Variants in PTPRN observed in about 807,000 individuals in gnomAD.
PTPRN encodes receptor-type tyrosine-protein phosphatase-like N.
Under a neutral mutation model 108.5 loss-of-function variants are expected in PTPRN, and 70 were observed. The ratio of observed to expected loss-of-function variants is 0.65; its 90% CI spans 0.53 to 0.79. PTPRN has a LOEUF of 0.79. PTPRN is among the 30% of genes least tolerant of loss of function. The probability of loss-of-function intolerance (pLI) is 0.00; values close to 1 mark genes in which losing one functional copy is unlikely to be tolerated. For missense variants in PTPRN, 1,136 were observed against 1,295.5 expected (o/e 0.88, Z 1.89); for synonymous variants, 496 against 524.6 (o/e 0.95, Z 0.75).
Position 219,296,955 on chromosome 2 carries a change from G to A in PTPRN, c.2236+30C>T, listed in dbSNP as rs1328625839. The A allele has an allele frequency of 1.2e-6, 2 of 1,613,308 alleles. No individual in the cohort carries two copies. Among genetic ancestry groups the A allele is most frequent in the East Asian group, 2.2e-5 (1 of 44,864 alleles). ...CAGACCTCGCAGCAGAGAGAGGGCTGGGCCAGGTGGGCCAGCAGGGTTCAC... is the reference window on the plus strand; with the variant it reads ...CAGACCTCGCAGCAGAGAGAGGGCTAGGCCAGGTGGGCCAGCAGGGTTCAC... On this transcript the variant is annotated intron_variant, in intron 15 of 22. Coordinates refer to ENST00000295718, the MANE Select transcript of PTPRN (RefSeq NM_002846.4). The surrounding 1 kb of genome is among the most constrained non-coding windows in gnomAD (Gnocchi z 6.0).
At chr2:219,307,634 C>T (rs752650697) in intron 2 of PTPRN, 77 bp from the exon 3 acceptor site, 66 of 1,464,066 alleles carry the variant, frequency 4.5e-5, no homozygotes, top group Non-Finnish European at 6.7e-6. Flanking sequence ...ATGGACTGTA[C>T]TCTCTTCACT....
At position 219,299,062 on chromosome 2, in the gene PTPRN, C is replaced by T. The variant is rs1344224742; in HGVS notation, c.1653G>A (p.Gln551=). The T allele has an allele frequency of 6.2e-7, 1 of 1,614,154 alleles. No individual in the cohort carries two copies. Among genetic ancestry groups the T allele is most frequent in the Non-Finnish European group, 8.5e-7 (1 of 1,180,060 alleles). The change falls in exon 12 of 23, where the codon CAG becomes CAA. Residue 551 remains glutamine (Q), a synonymous_variant. Coordinates refer to ENST00000295718, the MANE Select transcript of PTPRN (RefSeq NM_002846.4). ...TAGCGCATACCTGTCCCACTCCTGT[C>T]TGCAAGATTTGGAGCCCTGTCTGTG... ...LEAQTGLQIL[Q]TGVGQREEAA... is the part of the protein sequence containing the mutation.
At chr2:219,302,989 C>T (rs1178817526) in intron 4 of PTPRN, 152 bp from the exon 5 acceptor site, 4 of 425,202 alleles carry the variant, frequency 9.4e-6, no homozygotes, top group Non-Finnish European at 1.6e-5. Flanking sequence ...GAGAGATGGG[C>T]TGGGTGGGAA....
Position 219,296,090 on chromosome 2 carries a change from A to G in PTPRN, c.2508+136T>C. The G allele has an allele frequency of 3.2e-6, 4 of 1,240,236 alleles. No homozygotes were observed. The highest frequency in any genetic ancestry group is 1.4e-5 in the South Asian group (1 of 71,812). The allele number at this position is 1,240,236 out of a possible 1,614,324, so 76.8% of individuals were successfully genotyped here. A position where few individuals can be genotyped will look rare whatever the true frequency, so the allele number is the denominator to read the frequency against. ...TGTGTTTATATATATTCATATATGT[A>G]TGAATCATGAGCAGGGCCAATAAAA... On this transcript the variant is annotated intron_variant, in intron 18 of 22. Coordinates refer to ENST00000295718, the MANE Select transcript of PTPRN (RefSeq NM_002846.4). This position sits in a 1 kb window ranked among gnomAD's most constrained non-coding sequence, Gnocchi z 6.0.
At position 219,289,992 on chromosome 2, in the gene PTPRN, C is replaced by T; in HGVS notation, c.*234G>A. On this transcript the variant is annotated 3_prime_UTR_variant, in exon 23 of 23. Coordinates refer to ENST00000295718, the MANE Select transcript of PTPRN (RefSeq NM_002846.4). ...AGAATTGCTACCCATGTCCTTTCCT[C>T]TCCTCCTGGCTGCAGCACCCCCATG... 1.8e-6 allele frequency: 1 copy of T among 562,810 alleles called. No individual in the cohort carries two copies. The highest frequency in any genetic ancestry group is 2.1e-5 in the South Asian group (1 of 47,476). 34.9% of individuals were successfully genotyped at this position (562,810 alleles called of 1,614,324 possible).
chr2:219,302,361 G>C lies in PTPRN; in HGVS notation c.770C>G (p.Pro257Arg). ...TGGAAGGTCCCCGTAGGAGTGGCCAGGGTGGTCCCCAAATATGCCCTTGGA... is the reference window on the plus strand; with the variant it reads ...TGGAAGGTCCCCGTAGGAGTGGCCACGGTGGTCCCCAAATATGCCCTTGGA... ...TASKGIFGDH[P>R]GHSYGDLPGP... Residue 257 changes from proline to arginine, a missense_variant, in exon 6 of 23, where the codon CCT becomes CGT. Pro to Arg is a moderately radical substitution (Grantham distance 103). Coordinates refer to ENST00000295718, the MANE Select transcript of PTPRN (RefSeq NM_002846.4). The C allele has an allele frequency of 1.2e-6, 2 of 1,613,806 alleles. No homozygotes were observed. The highest frequency in any genetic ancestry group is 1.7e-6 in the Non-Finnish European group (2 of 1,179,824).
intron 8 of PTPRN, 88 bp from the exon 9 acceptor site, chr2:219,300,347 G>T: frequency 7.1e-7 from 1 of 1,398,666 alleles, no homozygotes. Flanking sequence ...GTGGAGCTCA[G>T]GACCTGCTTT....
chr2:219,300,975 C>T lies in PTPRN; in HGVS notation c.1129G>A (p.Gly377Arg), dbSNP rs1358540497. 2 of 1,614,056 alleles carry T rather than the reference C, an allele frequency of 1.2e-6. No individual in the cohort carries two copies. Among genetic ancestry groups the T allele is most frequent in the African/African-American group, 1.3e-5 (1 of 74,920 alleles). The part of the protein sequence containing the change: ...LPKGAGRNPG[G>R]VVNVGADIKK... ...ATATCAGCTCCAACATTTACAACCC[C>T]TCCTGCGAGACAGGAAAAACAAGAG... is the stretch of plus-strand genomic sequence containing the variant. The change falls in exon 8 of 23, where the codon GGG becomes AGG. Residue 377 changes from glycine (G) to arginine (R), a missense_variant and splice_region_variant. Gly to Arg is a moderately radical substitution (Grantham distance 125). Coordinates refer to ENST00000295718, the MANE Select transcript of PTPRN (RefSeq NM_002846.4).
At chr2:219,299,481 C>T in intron 10 of PTPRN, 97 bp from the exon 11 acceptor site, 2 of 1,408,404 alleles carry the variant, frequency 1.4e-6, no homozygotes, top group South Asian at 1.2e-5. Flanking sequence ...GAGGATGGGG[C>T]TGGAGCAGAT....
chr2:219,294,257 C>A, intron 19 of PTPRN: 1 of 441,578 alleles, frequency 2.3e-6, no homozygotes, highest in Admixed American at 2.4e-5. Flanking sequence ...GAAAGACAGG[C>A]AGCGGGAGGG....
Position 219,308,959 on chromosome 2 carries a change from C to G in PTPRN, c.115+259G>C, listed in dbSNP as rs771694761. The G allele has an allele frequency of 6.1e-6, 9 of 1,478,480 alleles. No homozygotes were observed. In the South Asian group the frequency reaches 1.1e-4, roughly 18 times the overall value. The allele number at this position is 1,478,480 out of a possible 1,614,324, so 91.6% of individuals were successfully genotyped here. ...CTAAGTCCCTCTGCCCACATGCACCCCGTGTCCTTCTCCCGAACCTGCAAT... is the reference window on the plus strand; with the variant it reads ...CTAAGTCCCTCTGCCCACATGCACCGCGTGTCCTTCTCCCGAACCTGCAAT... On this transcript the variant is annotated intron_variant, in intron 1 of 22. Coordinates refer to ENST00000295718, the MANE Select transcript of PTPRN (RefSeq NM_002846.4).
intron 1 of PTPRN, 180 bp downstream of exon 1, chr2:219,309,038 T>G: frequency 1.6e-6 from 2 of 1,258,002 alleles, no homozygotes; most frequent in Non-Finnish European, 1.0e-6. Context: ...CAGCCCCACC[T>G]CCAGGCCTAC....
chr2:219,307,315 C>A, intron 3 of PTPRN, 129 bp downstream of exon 3: 1 of 760,086 alleles, frequency 1.3e-6, no homozygotes, highest in South Asian at 1.8e-5. Context: ...ACCTCTTACT[C>A]TAGCAAGATA....
chr2:219,302,324 A>G lies in PTPRN; in HGVS notation c.807T>C (p.Pro269=). The G allele has an allele frequency of 6.2e-7, 1 of 1,613,924 alleles. No homozygotes were observed. Among genetic ancestry groups the G allele is most frequent in the Non-Finnish European group, 8.5e-7 (1 of 1,179,858 alleles). ...GCCCAGAGTCTTGAAAAAGCTGGGC[A>G]GGTGAAGGCCCTGGAAGGTCCCCGT... ...HSYGDLPGPS[P]AQLFQDSGLL... is the part of the protein sequence containing the mutation. Residue 269 remains proline (P), a synonymous_variant, in exon 6 of 23, where the codon CCT becomes CCC. Coordinates refer to ENST00000295718, the MANE Select transcript of PTPRN (RefSeq NM_002846.4).
chr2:219,305,398 A>G, intron 3 of PTPRN, among the ~76,000 whole-genome samples: 1 of 152,092 alleles, frequency 6.6e-6, no homozygotes, highest in Non-Finnish European at 1.5e-5. Flanking sequence ...GCTCGCCACC[A>G]TGCCTGGCTA....
Position 219,296,481 on chromosome 2 carries a change from G to A in PTPRN, c.2346C>T (p.Ala782=). The A allele has an allele frequency of 6.2e-7, 1 of 1,614,178 alleles. No homozygotes were observed. The highest frequency in any genetic ancestry group is 8.5e-7 in the Non-Finnish European group (1 of 1,180,026). ...TGGTATGGGACAGCGGGCCCTGCGT[G>A]GCTATGTAGGCTGGCATCCGAGGGT... is the stretch of plus-strand genomic sequence containing the variant. ...EHDPRMPAYI[A]TQGPLSHTIA... is the part of the protein sequence containing the mutation. The change falls in exon 17 of 23, where the codon GCC becomes GCT. Residue 782 remains alanine, a synonymous_variant. Transcript: ENST00000295718. This position sits in a 1 kb window ranked among gnomAD's most constrained non-coding sequence, Gnocchi z 6.0.
chr2:219,296,803 T>G lies in PTPRN; in HGVS notation c.2256A>C (p.Lys752Asn). ...DFLPYDHARI[K>N]LKVESSPSRS... is the part of the protein sequence containing the mutation. ...GAGAAGGGCTGCTCTCCACCTTCAG[T>G]TTTATGCGGGCATGGTCATCTGCAC... Residue 752 changes from lysine (K) to asparagine (N), a missense_variant, in exon 16 of 23, where the codon AAA becomes AAC. Transcript: ENST00000295718. This position sits in a 1 kb window ranked among gnomAD's most constrained non-coding sequence, Gnocchi z 6.0. 1.9e-6 allele frequency: 3 copies of G among 1,613,554 alleles called. No individual in the cohort carries two copies. In the South Asian group the frequency reaches 3.3e-5, roughly 18 times the overall value.
rs1320526688 is a variant in PTPRN, at chr2:219,295,067, G to A, written c.2583C>T (p.Thr861=). Residue 861 remains threonine, a synonymous_variant, in exon 19 of 23, where the codon ACC becomes ACT. Coordinates refer to ENST00000295718, the MANE Select transcript of PTPRN (RefSeq NM_002846.4). ...ACTGCGTGAGCGTGCGCGTCTCCTG[G>A]GTCTGCACGTTCTTCAGGTAGAAGC... ...VRSFYLKNVQ[T]QETRTLTQFH... is the part of the protein sequence containing the mutation. 1.2e-5 allele frequency: 19 copies of A among 1,613,496 alleles called. No homozygotes were observed. Among genetic ancestry groups the A allele is most frequent in the Non-Finnish European group, 1.6e-5 (19 of 1,179,696 alleles).
rs747388162 is a variant in PTPRN at position 219,294,961 on chromosome 2, G to A, written c.2675+14C>T. The A allele has an allele frequency of 3.4e-5, 53 of 1,540,868 alleles. 1 individual carries two copies. In the Admixed American group the frequency reaches 1.0e-3, roughly 30 times the overall value. Reference sequence around the variant, plus strand: ...GCCCATGCGGTCCCTCCAGGCGGGGGCGCCCGCGCTCACCTGCGGAAGTCC... The same window carrying A: ...GCCCATGCGGTCCCTCCAGGCGGGGACGCCCGCGCTCACCTGCGGAAGTCC... On this transcript the variant is annotated intron_variant, in intron 19 of 22. Transcript: ENST00000295718.
Sources: gnomAD v4.1 joint callset for allele counts (sites outside exome capture counted in the v4.1 genomes callset) on GRCh38, gnomAD v4.1.1 for gene constraint, Gnocchi (gnomAD v3.1) non-coding constraint, MANE v1.5 for transcripts, NCBI Gene and HGNC (gene_info 2026-07-23, HGNC 2026-07-21) for gene names.